Variants in MLLT3 observed in about 807,000 individuals in gnomAD.
MLLT3 encodes MLLT3 super elongation complex subunit.
Under a neutral mutation model 53.2 loss-of-function variants are expected in MLLT3, and 4 were observed. That is an observed-to-expected ratio of 0.08 (90% CI 0.04 to 0.17). MLLT3 has a LOEUF of 0.17. MLLT3 is among the 10% of genes least tolerant of loss of function. The probability of loss-of-function intolerance (pLI) is 1.00; values close to 1 mark genes in which losing one functional copy is unlikely to be tolerated. For missense variants in MLLT3, 569 were observed against 684.0 expected (o/e 0.83, Z 1.87); for synonymous variants, 283 against 230.6 (o/e 1.23, Z -2.06).
chr9:20,472,902 T>A (rs1586975967), intron 2 of MLLT3, among the ~76,000 whole-genome samples: 1 of 145,592 alleles, frequency 6.9e-6, no homozygotes, highest in African/African-American at 2.5e-5. Flanking sequence ...ACTAGCACTA[T>A]GCTAACAAAA....
At chr9:20,399,721 G>A (rs544804427) in intron 5 of MLLT3, among the ~76,000 whole-genome samples, 1 of 152,164 alleles carries the variant, frequency 6.6e-6, no homozygotes, top group South Asian at 2.1e-4. Flanking sequence ...AGAAAGATAA[G>A]GATGAAACGG....
intron 2 of MLLT3, among the ~76,000 whole-genome samples, chr9:20,555,248 A>G (rs1172567136): frequency 6.6e-6 from 1 of 152,280 alleles, no homozygotes; most frequent in East Asian, 1.9e-4. Context: ...TGCCGGAAAT[A>G]GCATTTTGGT....
Position 20,529,888 on chromosome 9 carries a change from C to T in MLLT3, c.194-73102G>A, listed in dbSNP as rs1258695146. On this transcript the variant is annotated intron_variant, in intron 2 of 10. Transcript: ENST00000380338. ...GTAATCCAATTCTTTATCAACCAGG[C>T]CAGTTACACAAACTGAGGGTTTTAT... 2.0e-5 allele frequency among the ~76,000 whole-genome samples: 3 copies of T among 151,976 alleles called. No homozygotes were observed. The East Asian group carries it at 5.8e-4, about 29-fold the overall frequency.
intron 2 of MLLT3, among the ~76,000 whole-genome samples, chr9:20,562,572 G>C (rs376186627): frequency 6.6e-6 from 1 of 151,984 alleles, no homozygotes; most frequent in Admixed American, 6.6e-5. Flanking sequence ...TGTAATAAAA[G>C]AAACTGCAAA....
chr9:20,388,897 C>A (rs1822112346), intron 5 of MLLT3, among the ~76,000 whole-genome samples: 1 of 152,120 alleles, frequency 6.6e-6, no homozygotes, highest in African/African-American at 2.4e-5. Context: ...TCTCCCTCAA[C>A]ATATATCAGA....
intron 2 of MLLT3, among the ~76,000 whole-genome samples, chr9:20,601,683 A>C (rs1563838885): frequency 1.3e-5 from 2 of 151,652 alleles, no homozygotes; most frequent in Non-Finnish European, 2.9e-5. Context: ...ATCCTCAATA[A>C]TGTAGCTTCA....
intron 2 of MLLT3, among the ~76,000 whole-genome samples, chr9:20,559,576 G>T (rs1183344930): frequency 6.6e-6 from 1 of 152,208 alleles, no homozygotes; most frequent in Non-Finnish European, 1.5e-5. Context: ...GCCTTTTGCA[G>T]GGGTAGGCAG....
chr9:20,406,337 T>A (rs1822576515), intron 5 of MLLT3, among the ~76,000 whole-genome samples: 1 of 152,260 alleles, frequency 6.6e-6, no homozygotes, highest in Admixed American at 6.5e-5. Context: ...AAATTCTAAC[T>A]TTGTACTATC....
chr9:20,381,448 T>C (rs1821905936), intron 5 of MLLT3, among the ~76,000 whole-genome samples: 1 of 143,042 alleles, frequency 7.0e-6, no homozygotes. Context: ...TTATTGCCTA[T>C]GTGTAAAAAA....
At chr9:20,614,445 T>C (rs2780844) in intron 2 of MLLT3, among the ~76,000 whole-genome samples, 125,731 of 148,370 alleles carry the variant, frequency 0.85, 53,800 homozygotes, top group African/African-American at 0.96. Context: ...GGGAGGGAGG[T>C]AGGCAGGCAC....
intron 2 of MLLT3, among the ~76,000 whole-genome samples, chr9:20,573,448 G>C (rs1444337105): frequency 6.6e-6 from 1 of 152,026 alleles, no homozygotes. Context: ...CCAAAGTGCT[G>C]GGATTACAGG....
chr9:20,503,096 G>A (rs1445895706), intron 2 of MLLT3, among the ~76,000 whole-genome samples: 1 of 152,096 alleles, frequency 6.6e-6, no homozygotes, highest in Non-Finnish European at 1.5e-5. Flanking sequence ...CACAAGTGGA[G>A]AAATTAATAG....
chr9:20,565,954 T>TTTTATA (rs1819352658), intron 2 of MLLT3, among the ~76,000 whole-genome samples: 1 of 34,696 alleles, frequency 2.9e-5, no homozygotes, highest in African/African-American at 1.7e-4. Flanking sequence ...ATATATATAT[T>TTTTATA]TATATATATA....
At chr9:20,561,019 T>C (rs987461108) in intron 2 of MLLT3, among the ~76,000 whole-genome samples, 1 of 152,186 alleles carries the variant, frequency 6.6e-6, no homozygotes, top group Non-Finnish European at 1.5e-5. Context: ...AATTTAGGTA[T>C]ACTGTTAAAT....
chr9:20,443,750 G>T (rs890914462), intron 4 of MLLT3, among the ~76,000 whole-genome samples: 8 of 152,096 alleles, frequency 5.3e-5, no homozygotes, highest in African/African-American at 1.9e-4. Flanking sequence ...GTAACTGAGG[G>T]GAAAAGAACT....
chr9:20,622,180 C>T, intron 1 of MLLT3, 65 bp downstream of exon 1: 5 of 1,504,162 alleles, frequency 3.3e-6, no homozygotes, highest in Non-Finnish European at 4.6e-6. Context: ...GTCTGGGCTG[C>T]GGCGGCGCAG....
At chr9:20,531,306 T>C (rs760113871) in intron 2 of MLLT3, among the ~76,000 whole-genome samples, 10 of 152,078 alleles carry the variant, frequency 6.6e-5, no homozygotes, top group Non-Finnish European at 1.3e-4. Context: ...CAAGTAATTT[T>C]TGTGTTTTTA....
intron 2 of MLLT3, among the ~76,000 whole-genome samples, chr9:20,476,339 C>T (rs1473924997): frequency 5.9e-5 from 9 of 152,008 alleles, no homozygotes; most frequent in Admixed American, 5.9e-4. Flanking sequence ...CAGAGAAATA[C>T]TTGTATACAG....
At chr9:20,578,737 A>G (rs572898251) in intron 2 of MLLT3, among the ~76,000 whole-genome samples, 2 of 152,226 alleles carry the variant, frequency 1.3e-5, no homozygotes, top group African/African-American at 4.8e-5. Flanking sequence ...CTTGAACATT[A>G]TATTGGGAAC....
Sources: gnomAD v4.1 joint callset for allele counts (sites outside exome capture counted in the v4.1 genomes callset) on GRCh38, gnomAD v4.1.1 for gene constraint, MANE v1.5 for transcripts, NCBI Gene and HGNC (gene_info 2026-07-23, HGNC 2026-07-21) for gene names.